The following PTPRM variants were observed in gnomAD, a reference collection of about 807,000 sequenced individuals.
PTPRM encodes the protein protein tyrosine phosphatase receptor type M.
Under a neutral mutation model 186.7 loss-of-function variants are expected in PTPRM, and 47 were observed. That is an observed-to-expected ratio of 0.25 (90% CI 0.20 to 0.32). The LOEUF (loss-of-function observed/expected upper bound fraction) is 0.32. PTPRM is among the 10% of genes least tolerant of loss of function. The pLI is 1.00. For synonymous variants in PTPRM, 668 were observed against 674.9 expected (o/e 0.99, Z 0.16); for missense variants, 1,494 against 1,865.0 (o/e 0.80, Z 3.66).
At chr18:8,146,765 C>T (rs1353445849) in intron 14 of PTPRM, among the ~76,000 whole-genome samples, 1 of 152,236 alleles carries the variant, frequency 6.6e-6, no homozygotes, top group East Asian at 1.9e-4. Flanking sequence ...AGGTTTTCTT[C>T]TAGGATTTTT....
At chr18:8,155,486 A>G (rs2093101334) in intron 14 of PTPRM, among the ~76,000 whole-genome samples, 1 of 152,230 alleles carries the variant, frequency 6.6e-6, no homozygotes, top group Non-Finnish European at 1.5e-5. Flanking sequence ...GGTAAATATA[A>G]CTATTTTAAT....
intron 20 of PTPRM, among the ~76,000 whole-genome samples, chr18:8,307,956 T>C (rs2095239161): frequency 6.6e-6 from 1 of 152,222 alleles, no homozygotes; most frequent in Non-Finnish European, 1.5e-5. Context: ...ATGAATGCCC[T>C]TTCCTAGGAT....
chr18:8,308,430 T>G (rs1325509459), intron 20 of PTPRM, among the ~76,000 whole-genome samples: 1 of 152,228 alleles, frequency 6.6e-6, no homozygotes, highest in Non-Finnish European at 1.5e-5. Context: ...ATGTATAATA[T>G]TAAATTGTCC....
At chr18:7,970,704 T>A in intron 7 of PTPRM, among the ~76,000 whole-genome samples, 1 of 56,806 alleles carries the variant, frequency 1.8e-5, no homozygotes, top group Non-Finnish European at 3.1e-5. Flanking sequence ...GAACTCCCAT[T>A]CACAATTGCT....
chr18:8,039,057 A>G (rs934993304), intron 7 of PTPRM, among the ~76,000 whole-genome samples: 4 of 152,226 alleles, frequency 2.6e-5, no homozygotes, highest in Admixed American at 2.6e-4. Context: ...AGTAATTACC[A>G]AATTCATAAT....
intron 7 of PTPRM, among the ~76,000 whole-genome samples, chr18:8,010,844 A>G (rs2084486539): frequency 6.6e-6 from 1 of 152,230 alleles, no homozygotes; most frequent in African/African-American, 2.4e-5. Flanking sequence ...GCTTATAGAG[A>G]TACAAAGATT....
At chr18:7,929,556 A>G (rs746580189) in intron 5 of PTPRM, among the ~76,000 whole-genome samples, 4 of 152,180 alleles carry the variant, frequency 2.6e-5, no homozygotes, top group Non-Finnish European at 5.9e-5. Flanking sequence ...TTGTGATGTT[A>G]GAATAATTTT....
chr18:8,190,845 T>C lies in PTPRM; in HGVS notation c.2300+47066T>C, dbSNP rs368387072. On this transcript the variant is annotated intron_variant, in intron 14 of 32. Transcript: ENST00000580170. ...AAAACAACATTGTCATGGCCAATTT[T>C]TTTCCTGATATTATTACTAGAATGA... Among the ~76,000 whole-genome samples, 365 of 152,334 alleles carry C rather than the reference T, an allele frequency of 2.4e-3. 15 individuals carry two copies. In the South Asian group the frequency reaches 0.072, roughly 30 times the overall value.
At position 7,735,124 on chromosome 18, in the gene PTPRM, A is replaced by C. The variant is rs753891536; in HGVS notation, c.74-39025A>C. Among the ~76,000 whole-genome samples, 9 of 152,174 alleles carry C rather than the reference A, an allele frequency of 5.9e-5. 1 individual carries two copies. Among genetic ancestry groups the C allele is most frequent in the Admixed American group, 1.3e-4 (2 of 15,268 alleles). Reference sequence around the variant, plus strand: ...TACAACTGACCAGCATTAACATTAAAACAGAGATCTGGCTGGGCATGATGG... The same window carrying C: ...TACAACTGACCAGCATTAACATTAACACAGAGATCTGGCTGGGCATGATGG... On this transcript the variant is annotated intron_variant, in intron 1 of 32. Transcript: ENST00000580170.
intron 1 of PTPRM, among the ~76,000 whole-genome samples, chr18:7,701,311 A>T (rs1350411710): frequency 6.6e-6 from 1 of 151,218 alleles, no homozygotes. Context: ...TCAAAAAAAA[A>T]AAAAAAAGGC....
intron 4 of PTPRM, among the ~76,000 whole-genome samples, chr18:7,917,534 T>TA (rs2050632696): frequency 6.6e-6 from 1 of 152,154 alleles, no homozygotes; most frequent in Non-Finnish European, 1.5e-5. Context: ...AGACTCTGTC[T>TA]AAAAAAATAT....
intron 22 of PTPRM, among the ~76,000 whole-genome samples, chr18:8,336,781 G>A (rs1028062527): frequency 5.9e-5 from 9 of 151,900 alleles, no homozygotes; most frequent in South Asian, 2.1e-4. Flanking sequence ...AGATCGAGAC[G>A]TTGGTGAAAC....
At chr18:7,664,449 G>A (rs76763922) in intron 1 of PTPRM, among the ~76,000 whole-genome samples, 3,145 of 152,300 alleles carry the variant, frequency 0.021, 119 homozygotes, top group African/African-American at 0.072. Context: ...TGGAGCCTGC[G>A]CTGTTCTCAT....
At chr18:7,752,572 T>A (rs764232946) in intron 1 of PTPRM, among the ~76,000 whole-genome samples, 4 of 152,030 alleles carry the variant, frequency 2.6e-5, no homozygotes, top group Non-Finnish European at 4.4e-5. Context: ...TACAGGTGCA[T>A]GCCACCATGC....
intron 1 of PTPRM, among the ~76,000 whole-genome samples, chr18:7,582,481 A>T (rs556144759): frequency 6.6e-6 from 1 of 152,206 alleles, no homozygotes; most frequent in African/African-American, 2.4e-5. Flanking sequence ...AAAGCCAGTT[A>T]CAAGGCCAGC....
intron 1 of PTPRM, among the ~76,000 whole-genome samples, chr18:7,597,611 C>T (rs1037297997): frequency 3.3e-5 from 5 of 152,122 alleles, no homozygotes; most frequent in South Asian, 2.1e-4. Flanking sequence ...ATAAAGTTTC[C>T]GTCCCTGCTT....
chr18:7,785,601 C>T (rs2043063684), intron 2 of PTPRM, among the ~76,000 whole-genome samples: 1 of 152,194 alleles, frequency 6.6e-6, no homozygotes, highest in African/African-American at 2.4e-5. Context: ...AATTGAGGTA[C>T]ACCGACTTCG....
chr18:8,002,113 ACT>A (rs1718145313), intron 7 of PTPRM, among the ~76,000 whole-genome samples: 1 of 152,022 alleles, frequency 6.6e-6, no homozygotes, highest in Non-Finnish European at 1.5e-5. Flanking sequence ...TGACATTCAC[ACT>A]CTATCTAGAT....
chr18:8,227,488 C>A (rs931049397), intron 14 of PTPRM, among the ~76,000 whole-genome samples: 1 of 152,210 alleles, frequency 6.6e-6, no homozygotes, highest in African/African-American at 2.4e-5. Context: ...TAATTCTGCA[C>A]ATCCAAGGGA....
Sources: allele counts gnomAD v4.1 joint callset (sites outside exome capture counted in the v4.1 genomes callset), GRCh38; gene constraint gnomAD v4.1.1; transcripts MANE v1.5; gene names NCBI Gene and HGNC (gene_info 2026-07-23, HGNC 2026-07-21).